The following FANCF variants were observed in gnomAD, a reference collection of about 807,000 sequenced individuals.
FANCF encodes the protein Fanconi anemia group F protein.
For missense variants in FANCF, 552 were observed against 481.8 expected (o/e 1.15, Z -1.36); for synonymous variants, 257 against 205.9 (o/e 1.25, Z -2.13).
In FANCF at chr11:22,625,105, C is replaced by T; in HGVS notation, c.706G>A (p.Val236Met). 2 of 1,611,806 alleles carry T rather than the reference C, an allele frequency of 1.2e-6. No homozygotes were observed. The highest frequency in any genetic ancestry group is 1.7e-6 in the Non-Finnish European group (2 of 1,178,412). ...IHKSPGEGSQ[V>M]LVHWLLGNSE... ...TTCCCCAGAAGCCAGTGGACTAGCA[C>T]TTGGCTCCCCTCTCCAGGTGATTTG... is the stretch of plus-strand genomic sequence containing the variant. Residue 236 changes from valine to methionine, a missense_variant, in exon 1 of 1, where the codon GTG becomes ATG. By Grantham distance (21) the Val-to-Met change is conservative. Coordinates refer to ENST00000327470, the MANE Select transcript of FANCF (RefSeq NM_022725.4).
In FANCF at chr11:22,625,155, T is replaced by G. The variant is rs1230568893; in HGVS notation, c.656A>C (p.Gln219Pro). ...LLQPPLSRRP[Q>P]EELEPGIHKS... Reference sequence around the variant, plus strand: ...GTGGATGCCGGGTTCCAACTCTTCTTGGGGCCGACGAGACAAAGGCGGCTG... The same window carrying G: ...GTGGATGCCGGGTTCCAACTCTTCTGGGGGCCGACGAGACAAAGGCGGCTG... Residue 219 changes from glutamine (Q) to proline (P), a missense_variant, in exon 1 of 1, where the codon CAA becomes CCA. Transcript: ENST00000327470. 1 of 1,608,414 alleles carries G rather than the reference T, an allele frequency of 6.2e-7. No homozygotes were observed. Among genetic ancestry groups the G allele is most frequent in the African/African-American group, 1.3e-5 (1 of 74,614 alleles).
At position 22,625,513 on chromosome 11, in the gene FANCF, T is replaced by C; in HGVS notation, c.298A>G (p.Asn100Asp). 2 of 1,614,162 alleles carry C rather than the reference T, an allele frequency of 1.2e-6. No individual in the cohort carries two copies. The highest frequency in any genetic ancestry group is 8.5e-7 in the Non-Finnish European group (1 of 1,180,010). Reference sequence around the variant, plus strand: ...CGAGCTGCATCCCCGAGGGCCCGGTTCTCCAGCAGGCGCAGAGAGAGCAGG... The same window carrying C: ...CGAGCTGCATCCCCGAGGGCCCGGTCCTCCAGCAGGCGCAGAGAGAGCAGG... ...DVLLSLRLLE[N>D]RALGDAARYH... Residue 100 changes from asparagine to aspartate, a missense_variant, in exon 1 of 1, where the codon AAC becomes GAC. Physicochemically the swap from Asn to Asp is conservative, Grantham distance 23 (BLOSUM62 1). Transcript: ENST00000327470.
rs747602164 is a variant in FANCF at position 22,625,167 on chromosome 11, G to A, written c.644C>T (p.Ser215Phe). 10 of 1,609,404 alleles carry A rather than the reference G, an allele frequency of 6.2e-6. No homozygotes were observed. The highest frequency in any genetic ancestry group is 5.5e-5 in the South Asian group (5 of 90,888). ...IAVALLQPPLSRRPQEELEPG... is the reference protein window; with the variant it reads ...IAVALLQPPLFRRPQEELEPG... ...TTCCAACTCTTCTTGGGGCCGACGAGACAAAGGCGGCTGCAACAGCGCCAC... is the reference window on the plus strand; with the variant it reads ...TTCCAACTCTTCTTGGGGCCGACGAAACAAAGGCGGCTGCAACAGCGCCAC... The change falls in exon 1 of 1, where the codon TCT (serine) becomes TTT (phenylalanine). Residue 215 changes from serine (S) to phenylalanine (F), a missense_variant. Coordinates refer to ENST00000327470, the MANE Select transcript of FANCF (RefSeq NM_022725.4).
Position 22,624,999 on chromosome 11 carries a change from G to A in FANCF, c.812C>T (p.Ser271Phe), listed in dbSNP as rs1417824608. 2 of 1,614,110 alleles carry A rather than the reference G, an allele frequency of 1.2e-6. No homozygotes were observed. Among genetic ancestry groups the A allele is most frequent in the Admixed American group, 3.3e-5 (2 of 60,010 alleles). Residue 271 changes from serine (S) to phenylalanine (F), a missense_variant, in exon 1 of 1, where the codon TCT becomes TTT. Ser to Phe is a radical substitution (Grantham distance 155). Coordinates refer to ENST00000327470, the MANE Select transcript of FANCF (RefSeq NM_022725.4). ...TLVTSRHPAL[S>F]PVYLGLLTDW... ...TGTTAGCAGACCCAGATAGACAGGAGACAGCGCTGGGTGGCGGCTAGTCAC... is the reference window on the plus strand; with the variant it reads ...TGTTAGCAGACCCAGATAGACAGGAAACAGCGCTGGGTGGCGGCTAGTCAC...
In FANCF at chr11:22,625,729, G is replaced by C; in HGVS notation, c.82C>G (p.Pro28Ala). 6.2e-7 allele frequency: 1 copy of C among 1,614,180 alleles called. No homozygotes were observed. Among genetic ancestry groups the C allele is most frequent in the Non-Finnish European group, 8.5e-7 (1 of 1,180,042 alleles). The change falls in exon 1 of 1, where the codon CCC becomes GCC. Residue 28 changes from proline (P) to alanine (A), a missense_variant. Coordinates refer to ENST00000327470, the MANE Select transcript of FANCF (RefSeq NM_022725.4). ...SSTTYVSTWDPATVRRALQWA... is the reference protein window; with the variant it reads ...SSTTYVSTWDAATVRRALQWA... ...TGCAAGGCCCGGCGCACGGTGGCGG[G>C]GTCCCAGGTGCTGACGTAGGTAGTG...
chr11:22,623,710 T>C lies in FANCF; in HGVS notation c.*976A>G, dbSNP rs1009249827. The C allele has an allele frequency of 1.6e-5, 3 of 184,230 alleles. No individual in the cohort carries two copies. 11.4% of individuals were successfully genotyped at this position (184,230 alleles called of 1,614,324 possible). A position where few individuals can be genotyped will look rare whatever the true frequency, so the allele number is the denominator to read the frequency against. ...CTGGATCTTCTACTTAAAATGTTGTTTTGGCCAGGCGCGGTGGCTCACGCC... is the reference window on the plus strand; with the variant it reads ...CTGGATCTTCTACTTAAAATGTTGTCTTGGCCAGGCGCGGTGGCTCACGCC... On this transcript the variant is annotated 3_prime_UTR_variant, in exon 1 of 1. Coordinates refer to ENST00000327470, the MANE Select transcript of FANCF (RefSeq NM_022725.4).
Position 22,624,115 on chromosome 11 carries a change from G to A in FANCF, c.*571C>T. 1 of 240,342 alleles carries A rather than the reference G, an allele frequency of 4.2e-6. No individual in the cohort carries two copies. Among genetic ancestry groups the A allele is most frequent in the Non-Finnish European group, 8.2e-6 (1 of 121,670 alleles). The allele number at this position is 240,342 out of a possible 1,614,324, so 14.9% of individuals were successfully genotyped here. On this transcript the variant is annotated 3_prime_UTR_variant, in exon 1 of 1. Transcript: ENST00000327470. ...AATGCTTTAAAGGGACATACTATGT[G>A]GTGATTCATTTTCAAAGTAAGAATT...
Position 22,622,848 on chromosome 11 carries a change from T to C in FANCF, c.*1838A>G, listed in dbSNP as rs1027230581. 4 of 190,784 alleles carry C rather than the reference T, an allele frequency of 2.1e-5. No homozygotes were observed. The highest frequency in any genetic ancestry group is 6.1e-5 in the Admixed American group (1 of 16,330). The allele number at this position is 190,784 out of a possible 1,614,324, so 11.8% of individuals were successfully genotyped here. ...ACATATGGAGACTAAAATAACAGAA[T>C]AATAAATGGTAAGTATAAAATAGAT... On this transcript the variant is annotated 3_prime_UTR_variant, in exon 1 of 1. Coordinates refer to ENST00000327470, the MANE Select transcript of FANCF (RefSeq NM_022725.4).
In FANCF at chr11:22,625,082, C is replaced by T. The variant is rs778844305; in HGVS notation, c.729G>A (p.Gly243=). 13 of 1,613,714 alleles carry T rather than the reference C, an allele frequency of 8.1e-6. No individual in the cohort carries two copies. The highest frequency in any genetic ancestry group is 1.1e-5 in the Non-Finnish European group (13 of 1,179,822). The change falls in exon 1 of 1, where the codon GGG becomes GGA. Residue 243 remains glycine (G), a synonymous_variant. Coordinates refer to ENST00000327470, the MANE Select transcript of FANCF (RefSeq NM_022725.4). ...AAAAGGCAGCAAAGACTTCCGAATT[C>T]CCCAGAAGCCAGTGGACTAGCACTT... ...GSQVLVHWLL[G]NSEVFAAFCR... is the part of the protein sequence containing the mutation.
At position 22,625,631 on chromosome 11, in the gene FANCF, C is replaced by A; in HGVS notation, c.180G>T (p.Arg60=). The A allele has an allele frequency of 1.9e-6, 3 of 1,613,956 alleles. No individual in the cohort carries two copies. The highest frequency in any genetic ancestry group is 2.2e-5 in the South Asian group (2 of 91,086). Residue 60 remains arginine, a synonymous_variant, in exon 1 of 1, where the codon CGG becomes CGT. Transcript: ENST00000327470. ...RHGPIRTALE[R]RLHNQWRQEG... is the part of the protein sequence containing the mutation. The stretch of plus-strand genomic sequence containing the variant: ...CTTGCCTCCACTGGTTGTGCAGCCG[C>A]CGCTCCAGAGCCGTGCGAATGGGGC...
At position 22,625,365 on chromosome 11, in the gene FANCF, T is replaced by C. The variant is rs377309460; in HGVS notation, c.446A>G (p.Asn149Ser). 95 of 1,614,224 alleles carry C rather than the reference T, an allele frequency of 5.9e-5. 1 individual carries two copies. Among genetic ancestry groups the C allele is most frequent in the South Asian group, 1.6e-4 (15 of 91,086 alleles). ...RRSAVHMLRF[N>S]GYRENPNLQE... ...GAGATTTGGGTTCTCTCTATAGCCA[T>C]TGAAGCGCAGCATGTGCACCGCAGA... Residue 149 changes from asparagine (N) to serine (S), a missense_variant, in exon 1 of 1, where the codon AAT (asparagine) becomes AGT (serine). Physicochemically the swap from Asn to Ser is conservative, Grantham distance 46. Coordinates refer to ENST00000327470, the MANE Select transcript of FANCF (RefSeq NM_022725.4).
rs373385251 is a variant in FANCF, at chr11:22,625,479, A to G, written c.332T>C (p.Leu111Pro). ...RALGDAARYH[L>P]VQQLFPGPGV... ...CGGGCCGGGAAAGAGTTGCTGCACCAGGTGGTAACGAGCTGCATCCCCGAG... is the reference window on the plus strand; with the variant it reads ...CGGGCCGGGAAAGAGTTGCTGCACCGGGTGGTAACGAGCTGCATCCCCGAG... The change falls in exon 1 of 1, where the codon CTG (leucine) becomes CCG (proline). Residue 111 changes from leucine to proline, a missense_variant. By Grantham distance (98) the Leu-to-Pro change is moderately conservative (BLOSUM62 -3). Coordinates refer to ENST00000327470, the MANE Select transcript of FANCF (RefSeq NM_022725.4). 20 of 1,614,094 alleles carry G rather than the reference A, an allele frequency of 1.2e-5. No individual in the cohort carries two copies. Among genetic ancestry groups the G allele is most frequent in the Admixed American group, 1.7e-5 (1 of 60,016 alleles).
chr11:22,623,510 A>C lies in FANCF; in HGVS notation c.*1176T>G, dbSNP rs113735960. The C allele has an allele frequency of 9.1e-5, 18 of 197,522 alleles. No individual in the cohort carries two copies. Among genetic ancestry groups the C allele is most frequent in the African/African-American group, 4.1e-4 (18 of 43,392 alleles). 12.2% of individuals were successfully genotyped at this position (197,522 alleles called of 1,614,324 possible). On this transcript the variant is annotated 3_prime_UTR_variant, in exon 1 of 1. Coordinates refer to ENST00000327470, the MANE Select transcript of FANCF (RefSeq NM_022725.4). Reference sequence around the variant, plus strand: ...TGGAACACCCAGGTAAACTAACACAACTAGGTTCCTACACACAAAACAAAT... The same window carrying C: ...TGGAACACCCAGGTAAACTAACACACCTAGGTTCCTACACACAAAACAAAT...
rs556647004 is a variant in FANCF at position 22,623,605 on chromosome 11, A to C, written c.*1081T>G. ...GAAATTTAACTATTTTATTCTAAAC[A>C]CTTCATTTACATATAAGGCAACTGT... On this transcript the variant is annotated 3_prime_UTR_variant, in exon 1 of 1. Coordinates refer to ENST00000327470, the MANE Select transcript of FANCF (RefSeq NM_022725.4). The C allele has an allele frequency of 1.6e-5, 3 of 191,558 alleles. No individual in the cohort carries two copies. Among genetic ancestry groups the C allele is most frequent in the East Asian group, 1.7e-4 (2 of 12,082 alleles). 11.9% of individuals were successfully genotyped at this position (191,558 alleles called of 1,614,324 possible). A position where few individuals can be genotyped will look rare whatever the true frequency, so the allele number is the denominator to read the frequency against.
At position 22,623,347 on chromosome 11, in the gene FANCF, A is replaced by AC. The variant is rs1858585914; in HGVS notation, c.*1338_*1339insG. ...ATTAGAAATTAACTTTCTAAATATC[A>AC]TTTTTTTCTCCAAAAAAATCCTCTT... On this transcript the variant is annotated 3_prime_UTR_variant, in exon 1 of 1. Transcript: ENST00000327470. 3.0e-5 allele frequency: 6 copies of AC among 198,358 alleles called. No individual in the cohort carries two copies. The East Asian group carries it at 4.7e-4, about 16-fold the overall frequency. The allele number at this position is 198,358 out of a possible 1,614,324, so 12.3% of individuals were successfully genotyped here.
Position 22,625,814 on chromosome 11 carries a change from G to A in FANCF, c.-4C>T, listed in dbSNP as rs746465699. The A allele has an allele frequency of 2.5e-6, 4 of 1,613,950 alleles. No homozygotes were observed. The highest frequency in any genetic ancestry group is 1.7e-5 in the Admixed American group (1 of 60,028). ...GGTGCTGCAGAAGGGATTCCATGAG[G>A]TGCGCGAAGGCCCTACTTCCGCTTT... On this transcript the variant is annotated 5_prime_UTR_variant, in exon 1 of 1. Coordinates refer to ENST00000327470, the MANE Select transcript of FANCF (RefSeq NM_022725.4).
chr11:22,625,526 C>G lies in FANCF; in HGVS notation c.285G>C (p.Leu95=). The change falls in exon 1 of 1, where the codon CTG becomes CTC. Residue 95 remains leucine (L), a synonymous_variant. Transcript: ENST00000327470. ...CGAGGGCCCGGTTCTCCAGCAGGCG[C>G]AGAGAGAGCAGGACGTCACAGTGAC... is the stretch of plus-strand genomic sequence containing the variant. ...ALGHCDVLLS[L]RLLENRALGD... 6.2e-7 allele frequency: 1 copy of G among 1,614,186 alleles called. No homozygotes were observed. The highest frequency in any genetic ancestry group is 8.5e-7 in the Non-Finnish European group (1 of 1,180,044).
rs768178918 is a variant in FANCF at position 22,624,062 on chromosome 11, C to T, written c.*624G>A. 2 of 231,512 alleles carry T rather than the reference C, an allele frequency of 8.6e-6. No homozygotes were observed. The highest frequency in any genetic ancestry group is 5.5e-5 in the Admixed American group (1 of 18,056). The allele number at this position is 231,512 out of a possible 1,614,324, so 14.3% of individuals were successfully genotyped here. The stretch of plus-strand genomic sequence containing the variant: ...ATCCAAAGGCATATATTCGTATTTA[C>T]TGTGCTTTAAACATTTGTCTGTGCG... On this transcript the variant is annotated 3_prime_UTR_variant, in exon 1 of 1. Transcript: ENST00000327470.
rs450946 is a variant in FANCF at position 22,623,867 on chromosome 11, G to A, written c.*819C>T. On this transcript the variant is annotated 3_prime_UTR_variant, in exon 1 of 1. Coordinates refer to ENST00000327470, the MANE Select transcript of FANCF (RefSeq NM_022725.4). ...AAATTAGCCGGGCATGGTGGCCTGC[G>A]CCTGTAATCCCAGCTACTTGGGAGG... 0.97 allele frequency: 182,919 copies of A among 188,056 alleles called. 89,128 individuals are homozygous for A. The highest frequency in any genetic ancestry group is 1 in the Non-Finnish European group (89,343 of 89,360). The allele number at this position is 188,056 out of a possible 1,614,324, so 11.6% of individuals were successfully genotyped here. A position where few individuals can be genotyped will look rare whatever the true frequency, so the allele number is the denominator to read the frequency against.
Sources: allele counts gnomAD v4.1 joint callset, GRCh38; gene constraint gnomAD v4.1.1; transcripts MANE v1.5; gene names NCBI Gene and HGNC (gene_info 2026-07-23, HGNC 2026-07-21).